SALL2: variants seen among roughly 807,000 people sequenced by gnomAD.
SALL2 encodes the protein spalt like transcription factor 2.
In SALL2, 32 loss-of-function variants were observed where a neutral mutation model predicts 58.5. The observed-to-expected ratio is 0.55, with a 90% CI of 0.41 to 0.74. The LOEUF (loss-of-function observed/expected upper bound fraction) is 0.74. SALL2 is among the 30% of genes least tolerant of loss of function. The pLI is 0.00. For missense variants in SALL2, 1,201 were observed against 1,268.9 expected (o/e 0.95, Z 0.81); for synonymous variants, 516 against 513.6 (o/e 1.00, Z -0.06).
chr14:21,530,819 C>G (rs1355095722), upstream of SALL2, among the ~76,000 whole-genome samples: 1 of 152,184 alleles, frequency 6.6e-6, no homozygotes, highest in Non-Finnish European at 1.5e-5. Flanking sequence ...CACTATGTTG[C>G]CCAGGCTGTC....
chr14:21,537,074 A>T, exon 1 of SALL2: 3 of 641,738 alleles, frequency 4.7e-6, no homozygotes, highest in Non-Finnish European at 8.6e-6. Context: ...TTTCCCAGAG[A>T]CACAGACTCT....
rs757327331 is a variant in SALL2 at position 21,521,961 on chromosome 14, A to G, written c.*743T>C. 4 of 1,514,580 alleles carry G rather than the reference A, an allele frequency of 2.6e-6. No homozygotes were observed. The highest frequency in any genetic ancestry group is 3.5e-6 in the Non-Finnish European group (4 of 1,131,320). 93.8% of individuals were successfully genotyped at this position (1,514,580 alleles called of 1,614,324 possible). ...CACCAATTACTGGAGCATCTTCAGT[A>G]CCGGCACCTTCTGGAGCAGGGGGAG... On this transcript the variant is annotated 3_prime_UTR_variant, in exon 2 of 2. Coordinates refer to ENST00000537235, the MANE Select transcript of SALL2 (RefSeq NM_001364564.1).
rs1892161713 is a variant in SALL2, at chr14:21,523,913, C to T, written c.1809G>A (p.Val603=). The T allele has an allele frequency of 1.2e-6, 2 of 1,614,062 alleles. No homozygotes were observed. Among genetic ancestry groups the T allele is most frequent in the African/African-American group, 2.7e-5 (2 of 74,906 alleles). ...LVEKIDRQGA[V]AVTSAASGAP... is the part of the protein sequence containing the mutation. ...CTCCTGAGGCAGCTGAGGTCACCGC[C>T]ACAGCTCCTTGCCGGTCAATCTTTT... is the stretch of plus-strand genomic sequence containing the variant. The change falls in exon 2 of 2, where the codon GTG becomes GTA. Residue 603 remains valine (V), a synonymous_variant. Coordinates refer to ENST00000537235, the MANE Select transcript of SALL2 (RefSeq NM_001364564.1). This position sits in a 1 kb window ranked among gnomAD's most constrained non-coding sequence, Gnocchi z 4.4.
chr14:21,529,606 G>A (rs900727480), upstream of SALL2, among the ~76,000 whole-genome samples: 2 of 151,566 alleles, frequency 1.3e-5, no homozygotes, highest in Non-Finnish European at 2.9e-5. Context: ...GAGCTCAAGG[G>A]TTTGAGACTC....
rs933989175 is a variant in SALL2 at position 21,526,330 on chromosome 14, G to C, written c.-203C>G. On this transcript the variant is annotated 5_prime_UTR_variant, in exon 1 of 2. Transcript: ENST00000537235. ...CGGGGAGAAGCTGGAGTGAGAAAGCGGGGAGAGGGGAGATCTGGGAGGAGC... is the reference window on the plus strand; with the variant it reads ...CGGGGAGAAGCTGGAGTGAGAAAGCCGGGAGAGGGGAGATCTGGGAGGAGC... 3 of 1,431,094 alleles carry C rather than the reference G, an allele frequency of 2.1e-6. No individual in the cohort carries two copies. The highest frequency in any genetic ancestry group is 5.0e-5 in the East Asian group (2 of 39,656). The allele number at this position is 1,431,094 out of a possible 1,614,324, so 88.6% of individuals were successfully genotyped here.
Position 21,522,431 on chromosome 14 carries a change from G to A in SALL2, c.*273C>T. The stretch of plus-strand genomic sequence containing the variant: ...AGGAGGGGGAAGAAGGGTCACACCA[G>A]GGAAGCTGGAGAGGGTTCCCCTTGA... On this transcript the variant is annotated 3_prime_UTR_variant, in exon 2 of 2. Coordinates refer to ENST00000537235, the MANE Select transcript of SALL2 (RefSeq NM_001364564.1). 7.1e-7 allele frequency: 1 copy of A among 1,409,634 alleles called. No homozygotes were observed. The highest frequency in any genetic ancestry group is 9.2e-7 in the Non-Finnish European group (1 of 1,085,496). 87.3% of individuals were successfully genotyped at this position (1,409,634 alleles called of 1,614,324 possible).
In SALL2 at chr14:21,524,532, C is replaced by T. The variant is rs746995588; in HGVS notation, c.1190G>A (p.Arg397Lys). 11 of 1,614,132 alleles carry T rather than the reference C, an allele frequency of 6.8e-6. 1 individual carries two copies. The South Asian group carries it at 1.2e-4, about 18-fold the overall frequency. The change falls in exon 2 of 2, where the codon AGG becomes AAG. Residue 397 changes from arginine to lysine, a missense_variant. Physicochemically the swap from Arg to Lys is conservative, Grantham distance 26. This residue lies in a region of SALL2 where 59 missense variants were observed against 116.2 expected (regional missense o/e 0.51). Coordinates refer to ENST00000537235, the MANE Select transcript of SALL2 (RefSeq NM_001364564.1). ...QIHLRSHTGE[R>K]PYKCNVCGNR... ...TCCACAGACATTGCACTTATAGGGC[C>T]TCTCACCCGTGTGGGAACGAAGGTG... is the stretch of plus-strand genomic sequence containing the variant.
At position 21,525,998 on chromosome 14, in the gene SALL2, TCGCCGCCCCTG is replaced by T. The variant is rs1271348118; in HGVS notation, c.67+52_67+62del. ...ATTTTCTCCCACCCACCGAAAGTCTTCGCCGCCCCTGCGCATCCCCCTCCGCCCCCACCCCT... is the reference window on the plus strand; with the variant it reads ...ATTTTCTCCCACCCACCGAAAGTCTTCGCATCCCCCTCCGCCCCCACCCCT... On this transcript the variant is annotated intron_variant, in intron 1 of 1. Coordinates refer to ENST00000537235, the MANE Select transcript of SALL2 (RefSeq NM_001364564.1). This position sits in a 1 kb window ranked among gnomAD's most constrained non-coding sequence, Gnocchi z 4.4. 7.2e-7 allele frequency: 1 copy of T among 1,385,524 alleles called. No individual in the cohort carries two copies. The highest frequency in any genetic ancestry group is 1.4e-5 in the African/African-American group (1 of 69,642). 85.8% of individuals were successfully genotyped at this position (1,385,524 alleles called of 1,614,324 possible).
At chr14:21,529,583 G>A (rs758317988), upstream of SALL2, among the ~76,000 whole-genome samples, 7 of 151,944 alleles carry the variant, frequency 4.6e-5, no homozygotes, top group East Asian at 3.9e-4. Flanking sequence ...AGGCTGAGGC[G>A]GGAGGATCAC....
Position 21,523,549 on chromosome 14 carries a change from C to T in SALL2, c.2173G>A (p.Glu725Lys). 6.2e-7 allele frequency: 1 copy of T among 1,614,218 alleles called. No homozygotes were observed. Among genetic ancestry groups the T allele is most frequent in the Non-Finnish European group, 8.5e-7 (1 of 1,180,044 alleles). The change falls in exon 2 of 2, where the codon GAA (glutamate) becomes AAA (lysine). Residue 725 changes from glutamate (E) to lysine (K), a missense_variant. Around this residue, in one of 3 missense-constraint regions of SALL2, gnomAD observed 675 missense variants for 683.8 expected, o/e 0.99. Transcript: ENST00000537235. This position sits in a 1 kb window ranked among gnomAD's most constrained non-coding sequence, Gnocchi z 4.4. Reference protein sequence around the residue: ...QIPNGGTALPEGGGAAQENGS... With the variant: ...QIPNGGTALPKGGGAAQENGS... ...TTCTCCTGAGCAGCTCCTCCACCTT[C>T]AGGGAGTGCAGTACCACCGTTGGGG...
chr14:21,536,985 G>C (rs1892614757), exon 1 of SALL2: 2 of 1,442,470 alleles, frequency 1.4e-6, no homozygotes, highest in Non-Finnish European at 2.0e-6. Context: ...GGGTGACCTG[G>C]TCTCGTCTCC....
At chr14:21,536,761 C>T in intron 1 of SALL2, 1 of 1,045,648 alleles carries the variant, frequency 9.6e-7, no homozygotes, top group Non-Finnish European at 1.5e-6. Context: ...CGCCTGGTTT[C>T]GCCCATGGCC....
chr14:21,521,831 A>G lies in SALL2; in HGVS notation c.*873T>C, dbSNP rs1480522686. ...AATGAGAAGCTGGAGAGGTCTTGGC[A>G]CACTGACCAGCCAAAACCTTTACCT... On this transcript the variant is annotated 3_prime_UTR_variant, in exon 2 of 2. Transcript: ENST00000537235. The G allele has an allele frequency of 4.4e-6, 3 of 676,738 alleles. No homozygotes were observed. The highest frequency in any genetic ancestry group is 7.2e-6 in the Non-Finnish European group (3 of 419,380). The allele number at this position is 676,738 out of a possible 1,614,324, so 41.9% of individuals were successfully genotyped here. A position where few individuals can be genotyped will look rare whatever the true frequency, so the allele number is the denominator to read the frequency against.
At chr14:21,532,768 C>T (rs1158707975) in intron 1 of SALL2, among the ~76,000 whole-genome samples, 1 of 151,574 alleles carries the variant, frequency 6.6e-6, no homozygotes, top group Non-Finnish European at 1.5e-5. Context: ...TCGAGACCAT[C>T]CTGGCTAACA....
intron 1 of SALL2, among the ~76,000 whole-genome samples, chr14:21,534,553 G>A (rs1367391982): frequency 6.6e-6 from 1 of 152,130 alleles, no homozygotes; most frequent in Non-Finnish European, 1.5e-5. Context: ...GATAGCTTTT[G>A]ACTCCCTCAC....
At chr14:21,535,930 T>C (rs150555405) in intron 1 of SALL2, among the ~76,000 whole-genome samples, 175 of 150,866 alleles carry the variant, frequency 1.2e-3, no homozygotes, top group African/African-American at 4.1e-3. Context: ...ATCAGGCAAG[T>C]TTTTAAAACC....
upstream of SALL2, chr14:21,526,377 G>A (rs1235781807): frequency 5.7e-6 from 8 of 1,401,124 alleles, no homozygotes; most frequent in Admixed American, 9.6e-5. Flanking sequence ...GGAGTTTATG[G>A]GGAGGAGCTG....
In SALL2 at chr14:21,522,397, A is replaced by G; in HGVS notation, c.*307T>C. On this transcript the variant is annotated 3_prime_UTR_variant, in exon 2 of 2. Coordinates refer to ENST00000537235, the MANE Select transcript of SALL2 (RefSeq NM_001364564.1). ...AGGTGCACCTACCAAAGGGAAAGGG[A>G]GAGGAGAGAGGAGGGGGAAGAAGGG... is the stretch of plus-strand genomic sequence containing the variant. 7.0e-6 allele frequency: 10 copies of G among 1,420,752 alleles called. No homozygotes were observed. The highest frequency in any genetic ancestry group is 9.2e-6 in the Non-Finnish European group (10 of 1,091,012). 88.0% of individuals were successfully genotyped at this position (1,420,752 alleles called of 1,614,324 possible). A position where few individuals can be genotyped will look rare whatever the true frequency, so the allele number is the denominator to read the frequency against.
chr14:21,522,070 G>C lies in SALL2; in HGVS notation c.*634C>G, dbSNP rs775990149. On this transcript the variant is annotated 3_prime_UTR_variant, in exon 2 of 2. Transcript: ENST00000537235. ...TTGGGTGCAGGAGGCTGAAATAGGAGGGGGGCTGTCTTCTCCTTGGCTTCC... is the reference window on the plus strand; with the variant it reads ...TTGGGTGCAGGAGGCTGAAATAGGACGGGGGCTGTCTTCTCCTTGGCTTCC... 9.4e-6 allele frequency: 15 copies of C among 1,595,528 alleles called. No individual in the cohort carries two copies. Among genetic ancestry groups the C allele is most frequent in the African/African-American group, 1.3e-5 (1 of 74,764 alleles).
Sources: allele counts gnomAD v4.1 joint callset (sites outside exome capture counted in the v4.1 genomes callset), GRCh38; gene constraint gnomAD v4.1.1; regional missense constraint gnomAD v4.1.1; non-coding constraint Gnocchi (gnomAD v3.1); transcripts MANE v1.5; gene names NCBI Gene and HGNC (gene_info 2026-07-23, HGNC 2026-07-21).